Variants in FAM20A observed in about 807,000 individuals in gnomAD.
FAM20A encodes the protein FAM20A golgi associated secretory pathway pseudokinase, also known as pseudokinase FAM20A.
Under a neutral mutation model 52.0 loss-of-function variants are expected in FAM20A, and 42 were observed. The ratio of observed to expected loss-of-function variants is 0.81; its 90% CI spans 0.63 to 1.04. The LOEUF is 1.04. Among genes scored for constraint, FAM20A ranks in the 50% least tolerant of loss-of-function variants. The probability of loss-of-function intolerance (pLI) is 0.00; values close to 1 mark genes in which losing one functional copy is unlikely to be tolerated. For missense variants in FAM20A, 742 were observed against 712.7 expected, an observed-to-expected ratio of 1.04 and a Z score of -0.47; for synonymous variants, 304 against 298.9, an observed-to-expected ratio of 1.02 and a Z score of -0.18.
chr17:68,550,734 C>T (rs368296005), intron 4 of FAM20A, among the ~76,000 whole-genome samples: 5 of 152,026 alleles, frequency 3.3e-5, no homozygotes, highest in Admixed American at 6.6e-5. Context: ...CTTGGGATCA[C>T]GGGGAGAGCC....
At chr17:68,571,367 G>C (rs936324642) in intron 1 of FAM20A, among the ~76,000 whole-genome samples, 2 of 152,170 alleles carry the variant, frequency 1.3e-5, no homozygotes, top group Non-Finnish European at 2.9e-5. Flanking sequence ...CCGATTATTA[G>C]ATGCTTGAAC....
At chr17:68,575,713 T>C (rs1217535949) in intron 1 of FAM20A, among the ~76,000 whole-genome samples, 6 of 121,894 alleles carry the variant, frequency 4.9e-5, no homozygotes, top group South Asian at 2.3e-4. Flanking sequence ...TTATATATTA[T>C]ATATTTTATA....
Position 68,535,472 on chromosome 17 carries a change from A to C in FAM20A, c.*2005T>G. 1 of 453,992 alleles carries C rather than the reference A, an allele frequency of 2.2e-6. No individual in the cohort carries two copies. The highest frequency in any genetic ancestry group is 1.6e-5 in the South Asian group (1 of 64,468). The allele number at this position is 453,992 out of a possible 1,614,324, so 28.1% of individuals were successfully genotyped here. A position where few individuals can be genotyped will look rare whatever the true frequency, so the allele number is the denominator to read the frequency against. On this transcript the variant is annotated 3_prime_UTR_variant, in exon 11 of 11. Transcript: ENST00000592554. ...TGGAAGTCCCAAACCATTTTGTGCT[A>C]TTCTTTGAATGTTTTTACCCAGATA...
intron 1 of FAM20A, among the ~76,000 whole-genome samples, chr17:68,588,121 T>G (rs542890364): frequency 6.6e-6 from 1 of 151,386 alleles, no homozygotes; most frequent in African/African-American, 2.4e-5. Context: ...TTTTCAGCTT[T>G]TGACGTAAAA....
At chr17:68,541,638 C>G (rs74438872) in intron 7 of FAM20A, 2,321 of 213,260 alleles carry the variant, frequency 0.011, 56 homozygotes, top group African/African-American at 0.049. Flanking sequence ...ATGGGATTCT[C>G]GTGTGCTCCC....
In FAM20A at chr17:68,541,987, C is replaced by G. The variant is rs1460412688; in HGVS notation, c.1107G>C (p.Glu369Asp). The change falls in exon 7 of 11, where the codon GAG becomes GAC. Residue 369 changes from glutamate (E) to aspartate (D), a missense_variant and splice_region_variant. Transcript: ENST00000592554. ...GTGTGGCCTGGGGACCAACTCACTCCTCTTTTCCTGCCAGTGTGTAGGAGC... is the reference window on the plus strand; with the variant it reads ...GTGTGGCCTGGGGACCAACTCACTCGTCTTTTCCTGCCAGTGTGTAGGAGC... ...WIRSYTLAGK[E>D]EWEVNPLYCD... The G allele has an allele frequency of 1.2e-6, 2 of 1,613,176 alleles. No homozygotes were observed. Among genetic ancestry groups the G allele is most frequent in the Non-Finnish European group, 8.5e-7 (1 of 1,179,428 alleles).
chr17:68,536,230 T>C lies in FAM20A; in HGVS notation c.*1247A>G. ...ACCTTGTACTCTCTTTAGTGACAGC[T>C]CCATTCTATTCTCATGCTTACAGTA... On this transcript the variant is annotated 3_prime_UTR_variant, in exon 11 of 11. Coordinates refer to ENST00000592554, the MANE Select transcript of FAM20A (RefSeq NM_017565.4). 2.2e-6 allele frequency: 1 copy of C among 454,144 alleles called. No individual in the cohort carries two copies. Among genetic ancestry groups the C allele is most frequent in the South Asian group, 1.6e-5 (1 of 64,478 alleles). The allele number at this position is 454,144 out of a possible 1,614,324, so 28.1% of individuals were successfully genotyped here.
intron 1 of FAM20A, among the ~76,000 whole-genome samples, chr17:68,559,511 A>T (rs1302362003): frequency 6.6e-6 from 1 of 152,230 alleles, no homozygotes; most frequent in Non-Finnish European, 1.5e-5. Flanking sequence ...AAATCACATG[A>T]TCTTCAGGGG....
chr17:68,568,707 G>C (rs910191773), intron 1 of FAM20A, among the ~76,000 whole-genome samples: 1 of 151,610 alleles, frequency 6.6e-6, no homozygotes, highest in African/African-American at 2.4e-5. Context: ...CTGCCTCTGT[G>C]GTTACCTTGT....
intron 4 of FAM20A, among the ~76,000 whole-genome samples, chr17:68,544,333 G>C (rs1386289466): frequency 1.3e-5 from 2 of 152,154 alleles, no homozygotes; most frequent in African/African-American, 4.8e-5. Context: ...AATCTCTAAT[G>C]AATTCCTGAA....
Position 68,600,470 on chromosome 17 carries a change from G to A in FAM20A, c.197C>T (p.Thr66Met). The A allele has an allele frequency of 6.2e-7, 1 of 1,607,448 alleles. No homozygotes were observed. Among genetic ancestry groups the A allele is most frequent in the Non-Finnish European group, 8.5e-7 (1 of 1,177,260 alleles). Residue 66 changes from threonine (T) to methionine (M), a missense_variant, in exon 1 of 11, where the codon ACG becomes ATG. Physicochemically the swap from Thr to Met is moderately conservative, Grantham distance 81. Transcript: ENST00000592554. This position sits in a 1 kb window ranked among gnomAD's most constrained non-coding sequence, Gnocchi z 6.2. ...DSAAAASDPGTIVHNFSRTEP... is the reference protein window; with the variant it reads ...DSAAAASDPGMIVHNFSRTEP... ...GGTTCGGGAAAAGTTGTGCACGATC[G>A]TGCCGGGGTCCGAGGCAGCTGCGGC...
intron 1 of FAM20A, chr17:68,582,620 C>G (rs537546069): frequency 6.6e-6 from 1 of 152,230 alleles, no homozygotes; most frequent in African/African-American, 2.4e-5. Context: ...CTGTAGGAAA[C>G]CAGGCACCCT....
intron 1 of FAM20A, among the ~76,000 whole-genome samples, chr17:68,583,772 G>T (rs540684676): frequency 2.0e-5 from 3 of 152,190 alleles, no homozygotes; most frequent in African/African-American, 7.2e-5. Context: ...GCGTGGTGGT[G>T]CGTGCCTGTA....
intron 1 of FAM20A, among the ~76,000 whole-genome samples, chr17:68,593,975 A>C (rs1445722778): frequency 1.3e-5 from 2 of 152,228 alleles, no homozygotes; most frequent in African/African-American, 4.8e-5. Flanking sequence ...CAAAGGACAT[A>C]GGGTGGTGGA....
rs185073519 is a variant in FAM20A at position 68,535,588 on chromosome 17, C to T, written c.*1889G>A. The T allele has an allele frequency of 6.6e-6, 3 of 453,984 alleles. No homozygotes were observed. The East Asian group carries it at 2.1e-4, about 32-fold the overall frequency. 28.1% of individuals were successfully genotyped at this position (453,984 alleles called of 1,614,324 possible). On this transcript the variant is annotated 3_prime_UTR_variant, in exon 11 of 11. Coordinates refer to ENST00000592554, the MANE Select transcript of FAM20A (RefSeq NM_017565.4). ...AGAGACAGTGAATGAAGTGGGGAGC[C>T]CTATGCTGCAGTAGGGCCACAACAG...
In FAM20A at chr17:68,580,814, C is replaced by T. The variant is rs534232957; in HGVS notation, c.404+19449G>A. Among the ~76,000 whole-genome samples the T allele has an allele frequency of 1.4e-3, 209 of 152,234 alleles. 1 individual carries two copies. The highest frequency in any genetic ancestry group is 2.6e-3 in the Admixed American group (40 of 15,282). On this transcript the variant is annotated intron_variant, in intron 1 of 10. Transcript: ENST00000592554. ...CACTTTGCTCTTTTAACTCATTTCACCCCCACAGAAACTCCTCATAAGGTC... is the reference window on the plus strand; with the variant it reads ...CACTTTGCTCTTTTAACTCATTTCATCCCCACAGAAACTCCTCATAAGGTC...
intron 4 of FAM20A, among the ~76,000 whole-genome samples, chr17:68,544,582 A>G (rs1473982336): frequency 3.3e-5 from 5 of 152,246 alleles, no homozygotes; most frequent in Non-Finnish European, 7.3e-5. Context: ...AGAAATCTAT[A>G]AATAAGAAGC....
intron 1 of FAM20A, among the ~76,000 whole-genome samples, chr17:68,594,880 A>G (rs1380635293): frequency 1.3e-5 from 2 of 152,234 alleles, no homozygotes; most frequent in African/African-American, 4.8e-5. Flanking sequence ...CGCTAACCAG[A>G]TAATCTCCAT....
intron 1 of FAM20A, among the ~76,000 whole-genome samples, chr17:68,573,090 G>A (rs1368613085): frequency 1.3e-5 from 2 of 152,198 alleles, no homozygotes; most frequent in African/African-American, 4.8e-5. Flanking sequence ...TAAGGAGCAG[G>A]TGATAGGTGG....
Sources: gnomAD v4.1 joint callset for allele counts (sites outside exome capture counted in the v4.1 genomes callset) on GRCh38, gnomAD v4.1.1 for gene constraint, Gnocchi (gnomAD v3.1) non-coding constraint, MANE v1.5 for transcripts, NCBI Gene and HGNC (gene_info 2026-07-23, HGNC 2026-07-21) for gene names.